TELO2: variants seen among roughly 807,000 people sequenced by gnomAD.
TELO2 encodes the protein telomere maintenance 2.
In TELO2, 71 loss-of-function variants were observed where a neutral mutation model predicts 91.0. The observed-to-expected ratio is 0.78, with a 90% CI of 0.64 to 0.95. The LOEUF (loss-of-function observed/expected upper bound fraction) is 0.95. Among genes scored for constraint, TELO2 ranks in the 40% least tolerant of loss-of-function variants. The probability of loss-of-function intolerance (pLI) is 0.00; values close to 1 mark genes in which losing one functional copy is unlikely to be tolerated. For missense variants in TELO2, 1,183 were observed against 1,141.3 expected (o/e 1.04, Z -0.53); for synonymous variants, 584 against 518.9 (o/e 1.13, Z -1.71).
rs1027177794 is a variant in TELO2 at position 1,494,512 on chromosome 16, G to C, written c.231G>C (p.Leu77=). 3 of 1,613,124 alleles carry C rather than the reference G, an allele frequency of 1.9e-6. No homozygotes were observed. The highest frequency in any genetic ancestry group is 2.7e-5 in the African/African-American group (2 of 74,910). The change falls in exon 2 of 21, where the codon CTG becomes CTC. Residue 77 remains leucine, a synonymous_variant. Transcript: ENST00000262319. This position sits in a 1 kb window ranked among gnomAD's most constrained non-coding sequence, Gnocchi z 5.6. Reference sequence around the variant, plus strand: ...GGCTGAGCCCAGCCTGGCTGGAGCTGCTGCCCCATGGCCGCCTGGAGGAGC... The same window carrying C: ...GGCTGAGCCCAGCCTGGCTGGAGCTCCTGCCCCATGGCCGCCTGGAGGAGC... The part of the protein sequence containing the change: ...ASRLSPAWLE[L]LPHGRLEELW...
intron 12 of TELO2, 81 bp downstream of exon 12, chr16:1,502,216 G>A (rs1242700609): frequency 7.4e-5 from 118 of 1,583,944 alleles, no homozygotes; most frequent in Non-Finnish European, 9.5e-5. Context: ...AGGGGCCACC[G>A]GGAAGCCCTG....
rs777454446 is a variant in TELO2, at chr16:1,507,022, G to A, written c.2197G>A (p.Ala733Thr). The A allele has an allele frequency of 6.2e-7, 1 of 1,611,058 alleles. No homozygotes were observed. Among genetic ancestry groups the A allele is most frequent in the South Asian group, 1.1e-5 (1 of 90,538 alleles). ...VLGRLAHTLG[A>T]LMCLAVNTTV... ...CGGAAGGCTGGCGCACACCTTAGGG[G>A]CCCTGATGTGCCTGGCTGTTAACAC... Residue 733 changes from alanine (A) to threonine (T), a missense_variant, in exon 18 of 21, where the codon GCC becomes ACC. Ala to Thr is a moderately conservative substitution (Grantham distance 58). Transcript: ENST00000262319.
In TELO2 at chr16:1,500,356, G is replaced by A. The variant is rs1223023193; in HGVS notation, c.1012G>A (p.Glu338Lys). ...GCCATGCCACCTGCAGGTGCTGAAG[G>A]AGCTGTTGGAGACGTGGGGCAGCAG... ...RRPLLLQVLK[E>K]LLETWGSSSA... The change falls in exon 8 of 21, where the codon GAG becomes AAG. Residue 338 changes from glutamate (E) to lysine (K), a missense_variant. Transcript: ENST00000262319. The A allele has an allele frequency of 5.0e-6, 8 of 1,591,054 alleles. No homozygotes were observed. Among genetic ancestry groups the A allele is most frequent in the Non-Finnish European group, 6.0e-6 (7 of 1,171,080 alleles).
chr16:1,506,733 G>A (rs911066830), intron 17 of TELO2: 1 of 1,396,820 alleles, frequency 7.2e-7, no homozygotes, highest in Non-Finnish European at 9.3e-7. Flanking sequence ...GGGGGTCTCG[G>A]CGTTGGGAAC....
In TELO2 at chr16:1,509,951, C is replaced by A. The variant is rs530206608; in HGVS notation, c.*15C>A. 6.4e-7 allele frequency: 1 copy of A among 1,570,852 alleles called. No homozygotes were observed. Among genetic ancestry groups the A allele is most frequent in the South Asian group, 1.2e-5 (1 of 86,090 alleles). On this transcript the variant is annotated 3_prime_UTR_variant, in exon 21 of 21. Coordinates refer to ENST00000262319, the MANE Select transcript of TELO2 (RefSeq NM_016111.4). ...CGTCTCCCTAGTCCCTGGAGGCCTC[C>A]CCAGGACCACCCTCGCCGACAGCAA...
chr16:1,496,636 G>T (rs570136729), intron 3 of TELO2, among the ~76,000 whole-genome samples: 2 of 152,186 alleles, frequency 1.3e-5, no homozygotes, highest in Non-Finnish European at 2.9e-5. Context: ...CCTGGAGTGC[G>T]CTCCTTCCCT....
rs2039521253 is a variant in TELO2, at chr16:1,497,126, T to A, written c.682+22T>A. The A allele has an allele frequency of 6.2e-7, 1 of 1,613,268 alleles. No individual in the cohort carries two copies. Among genetic ancestry groups the A allele is most frequent in the Middle Eastern group, 1.7e-4 (1 of 6,014 alleles). On this transcript the variant is annotated intron_variant, in intron 4 of 20. Transcript: ENST00000262319. The surrounding 1 kb of genome is among the most constrained non-coding windows in gnomAD (Gnocchi z 4.0). ...CAGCGTGAGTAGAGCAGTGCCTTCC[T>A]GCCCATCCTGCCCCGACCCTCACAG...
rs368665278 is a variant in TELO2, at chr16:1,507,517, C to T, written c.2292-84C>T. On this transcript the variant is annotated intron_variant, in intron 19 of 20. Coordinates refer to ENST00000262319, the MANE Select transcript of TELO2 (RefSeq NM_016111.4). ...GGAAGTGTGCCAGGCAGGGCCGCAGCGTGGGTGGTCTGCCACACTGAGGGG... is the reference window on the plus strand; with the variant it reads ...GGAAGTGTGCCAGGCAGGGCCGCAGTGTGGGTGGTCTGCCACACTGAGGGG... The T allele has an allele frequency of 3.9e-5, 58 of 1,473,014 alleles. 1 individual carries two copies. In the East Asian group the frequency reaches 4.8e-4, roughly 12 times the overall value. The allele number at this position is 1,473,014 out of a possible 1,614,324, so 91.2% of individuals were successfully genotyped here. A position where few individuals can be genotyped will look rare whatever the true frequency, so the allele number is the denominator to read the frequency against.
chr16:1,497,284 C>T lies in TELO2; in HGVS notation c.683-77C>T. On this transcript the variant is annotated intron_variant, in intron 4 of 20. Transcript: ENST00000262319. This position sits in a 1 kb window ranked among gnomAD's most constrained non-coding sequence, Gnocchi z 4.0. Reference sequence around the variant, plus strand: ...GCTTACTGGGGAGCTGTGGGACTGTCCTTGCTGGACCCACACAGCCCCAGA... The same window carrying T: ...GCTTACTGGGGAGCTGTGGGACTGTTCTTGCTGGACCCACACAGCCCCAGA... 6.7e-7 allele frequency: 1 copy of T among 1,496,192 alleles called. No individual in the cohort carries two copies. The allele number at this position is 1,496,192 out of a possible 1,614,324, so 92.7% of individuals were successfully genotyped here.
In TELO2 at chr16:1,494,546, A is replaced by G; in HGVS notation, c.265A>G (p.Ser89Gly). 1 of 1,613,428 alleles carries G rather than the reference A, an allele frequency of 6.2e-7. No individual in the cohort carries two copies. The highest frequency in any genetic ancestry group is 8.5e-7 in the Non-Finnish European group (1 of 1,179,944). Residue 89 changes from serine to glycine, a missense_variant, in exon 2 of 21, where the codon AGC becomes GGC. Physicochemically the swap from Ser to Gly is moderately conservative, Grantham distance 56. Transcript: ENST00000262319. The surrounding 1 kb of genome is among the most constrained non-coding windows in gnomAD (Gnocchi z 5.6). ...TGGCCGCCTGGAGGAGCTGTGGGCC[A>G]GCTTCTTCCTGGAGGGCCCGGCGGA... ...PHGRLEELWA[S>G]FFLEGPADQA...
At position 1,505,974 on chromosome 16, in the gene TELO2, G is replaced by A. The variant is rs1485651767; in HGVS notation, c.2035-264G>A. Among the ~76,000 whole-genome samples, 1 of 152,108 alleles carries A rather than the reference G, an allele frequency of 6.6e-6. No individual in the cohort carries two copies. Among genetic ancestry groups the A allele is most frequent in the African/African-American group, 2.4e-5 (1 of 41,440 alleles). Reference sequence around the variant, plus strand: ...GAGGCATCCTGCAGTGCCCAGGGCGGCCTCCCCAGGACGCTCCTCCAGCCT... The same window carrying A: ...GAGGCATCCTGCAGTGCCCAGGGCGACCTCCCCAGGACGCTCCTCCAGCCT... On this transcript the variant is annotated intron_variant, in intron 16 of 20. Transcript: ENST00000262319. The surrounding 1 kb of genome is among the most constrained non-coding windows in gnomAD (Gnocchi z 4.3).
At chr16:1,498,720 T>TTA (rs2039576874) in intron 5 of TELO2, among the ~76,000 whole-genome samples, 1 of 72,682 alleles carries the variant, frequency 1.4e-5, no homozygotes, top group African/African-American at 3.1e-5. Flanking sequence ...CGTTATTTCT[T>TTA]TGTGTGGAAT....
intron 7 of TELO2, 32 bp downstream of exon 7, chr16:1,500,196 G>C: frequency 6.3e-7 from 1 of 1,581,126 alleles, no homozygotes; most frequent in Non-Finnish European, 8.6e-7. Context: ...GTCCCTGCGA[G>C]GCCCTGGGAG....
chr16:1,506,783 G>A (rs2039908408), intron 17 of TELO2, 169 bp from the exon 18 acceptor site: 1 of 1,415,902 alleles, frequency 7.1e-7, no homozygotes, highest in South Asian at 1.5e-5. Flanking sequence ...GCCCTGCAGG[G>A]GGAGTAGGCA....
intron 3 of TELO2, among the ~76,000 whole-genome samples, 155 bp downstream of exon 3, chr16:1,495,778 C>T (rs954954878): frequency 5.9e-5 from 9 of 152,262 alleles, no homozygotes; most frequent in Non-Finnish European, 1.3e-4. Context: ...CAGTAGTGAC[C>T]GGCAGGGCTC....
chr16:1,494,888 G>A lies in TELO2; in HGVS notation c.335+272G>A, dbSNP rs1223077889. ...AGTGTTCACATCCCAGGCGGCAGAG[G>A]CAGCCCGTCAGCTGGGGACGTTCCA... On this transcript the variant is annotated intron_variant, in intron 2 of 20. Transcript: ENST00000262319. The surrounding 1 kb of genome is among the most constrained non-coding windows in gnomAD (Gnocchi z 5.6). 2.0e-5 allele frequency among the ~76,000 whole-genome samples: 3 copies of A among 152,210 alleles called. No individual in the cohort carries two copies. The highest frequency in any genetic ancestry group is 1.5e-5 in the Non-Finnish European group (1 of 68,038).
At position 1,510,205 on chromosome 16, in the gene TELO2, T is replaced by G; in HGVS notation, c.*269T>G. ...GGGCGCTGCTGGCGGGGTTGACTCT[T>G]CCAGTGAGGGCAGAACCAGGCTGGC... On this transcript the variant is annotated 3_prime_UTR_variant, in exon 21 of 21. Coordinates refer to ENST00000262319, the MANE Select transcript of TELO2 (RefSeq NM_016111.4). The G allele has an allele frequency of 2.1e-6, 1 of 479,364 alleles. No individual in the cohort carries two copies. The highest frequency in any genetic ancestry group is 2.0e-5 in the African/African-American group (1 of 50,790). The allele number at this position is 479,364 out of a possible 1,614,324, so 29.7% of individuals were successfully genotyped here. A position where few individuals can be genotyped will look rare whatever the true frequency, so the allele number is the denominator to read the frequency against.
In TELO2 at chr16:1,497,330, C is replaced by G; in HGVS notation, c.683-31C>G. 1 of 1,522,148 alleles carries G rather than the reference C, an allele frequency of 6.6e-7. No individual in the cohort carries two copies. The highest frequency in any genetic ancestry group is 1.2e-5 in the South Asian group (1 of 80,700). 94.3% of individuals were successfully genotyped at this position (1,522,148 alleles called of 1,614,324 possible). On this transcript the variant is annotated intron_variant, in intron 4 of 20. Coordinates refer to ENST00000262319, the MANE Select transcript of TELO2 (RefSeq NM_016111.4). The surrounding 1 kb of genome is among the most constrained non-coding windows in gnomAD (Gnocchi z 4.0). ...CCAGACACCAGGTGGGTGCAGCTCC[C>G]CAGGCTCAGGTCCTCCGTCTGTCCC... is the stretch of plus-strand genomic sequence containing the variant.
chr16:1,506,190 C>A (rs370702097), intron 16 of TELO2, 48 bp from the exon 17 acceptor site: 2 of 1,600,026 alleles, frequency 1.2e-6, no homozygotes, highest in African/African-American at 2.7e-5. Flanking sequence ...GTGCCGTGCC[C>A]GCTGCCCAAG....
Sources: gnomAD v4.1 joint callset for allele counts (sites outside exome capture counted in the v4.1 genomes callset) on GRCh38, gnomAD v4.1.1 for gene constraint, Gnocchi (gnomAD v3.1) non-coding constraint, MANE v1.5 for transcripts, NCBI Gene and HGNC (gene_info 2026-07-23, HGNC 2026-07-21) for gene names.